The following CCBE1 variants were observed in gnomAD, a reference collection of about 807,000 sequenced individuals.
CCBE1 encodes collagen and calcium binding EGF domains 1.
A neutral mutation model predicts 50.0 loss-of-function variants in CCBE1; 37 were observed. The ratio of observed to expected loss-of-function variants is 0.74; its 90% CI spans 0.57 to 0.97. CCBE1 has a LOEUF of 0.97. Ranked by LOEUF, CCBE1 falls within the 50% of genes least tolerant of loss-of-function variation. The pLI is 0.00. For synonymous variants in CCBE1, 234 were observed against 203.7 expected, an observed-to-expected ratio of 1.15 and a Z score of -1.27; for missense variants, 538 against 523.8, an observed-to-expected ratio of 1.03 and a Z score of -0.26.
chr18:59,677,439 A>G (rs1300357404), intron 2 of CCBE1, among the ~76,000 whole-genome samples: 1 of 152,130 alleles, frequency 6.6e-6, no homozygotes, highest in African/African-American at 2.4e-5. Flanking sequence ...TTTCTTGAAG[A>G]CATCCAAGCA....
At chr18:59,580,637 A>T (rs886555324) in intron 2 of CCBE1, among the ~76,000 whole-genome samples, 1 of 152,208 alleles carries the variant, frequency 6.6e-6, no homozygotes, top group Admixed American at 6.5e-5. Flanking sequence ...GGAGTCCCCA[A>T]AATGTAAAGC....
At chr18:59,600,334 C>T (rs571660041) in intron 2 of CCBE1, among the ~76,000 whole-genome samples, 2 of 151,884 alleles carry the variant, frequency 1.3e-5, no homozygotes, top group East Asian at 1.9e-4. Context: ...CCCATCATTC[C>T]CAAATGGGAC....
intron 2 of CCBE1, among the ~76,000 whole-genome samples, chr18:59,589,790 C>CAAAAAAAAAA (rs752546235): frequency 1.4e-5 from 1 of 73,108 alleles, no homozygotes; most frequent in African/African-American, 5.2e-5. Flanking sequence ...GACTCCATCT[C>CAAAAAAAAAA]AAAAAAAAAA....
At chr18:59,550,030 C>T (rs1232750479) in intron 2 of CCBE1, among the ~76,000 whole-genome samples, 1 of 152,226 alleles carries the variant, frequency 6.6e-6, no homozygotes, top group Non-Finnish European at 1.5e-5. Context: ...GGAATGGGCA[C>T]TTTCAGGAAT....
chr18:59,470,037 G>A (rs1047271469), intron 3 of CCBE1, among the ~76,000 whole-genome samples: 4 of 152,154 alleles, frequency 2.6e-5, no homozygotes, highest in Non-Finnish European at 5.9e-5. Flanking sequence ...TGGGAGGAAG[G>A]GCTGGAAGTC....
chr18:59,442,696 C>A (rs992196599), intron 7 of CCBE1, among the ~76,000 whole-genome samples: 77 of 152,080 alleles, frequency 5.1e-4, no homozygotes, highest in Non-Finnish European at 9.1e-4. Context: ...CCACTGCTTT[C>A]CAGCCTAGGC....
rs77536221 is a variant in CCBE1 at position 59,532,399 on chromosome 18, G to A, written c.213-52161C>T. Among the ~76,000 whole-genome samples, 41 of 152,278 alleles carry A rather than the reference G, an allele frequency of 2.7e-4. 1 individual carries two copies. The highest frequency in any genetic ancestry group is 3.4e-4 in the Non-Finnish European group (23 of 68,024). On this transcript the variant is annotated intron_variant, in intron 2 of 10. Coordinates refer to ENST00000439986, the MANE Select transcript of CCBE1 (RefSeq NM_133459.4). ...GAAGGCAGGACCTGTGTTGATAAAC[G>A]TGGTTTGCCTCGCATTAAACTGACT...
intron 2 of CCBE1, among the ~76,000 whole-genome samples, chr18:59,627,900 T>C (rs1238261484): frequency 6.6e-6 from 1 of 152,194 alleles, no homozygotes; most frequent in Admixed American, 6.5e-5. Context: ...TTGAAAACCA[T>C]ACTCAAAGTG....
At chr18:59,560,147 C>T (rs1201519717) in intron 2 of CCBE1, among the ~76,000 whole-genome samples, 1 of 152,236 alleles carries the variant, frequency 6.6e-6, no homozygotes, top group Non-Finnish European at 1.5e-5. Context: ...GACTATATAG[C>T]AGGCACAAGC....
At chr18:59,611,961 C>G (rs1392771704) in intron 2 of CCBE1, among the ~76,000 whole-genome samples, 3 of 152,062 alleles carry the variant, frequency 2.0e-5, no homozygotes, top group Admixed American at 6.5e-5. Flanking sequence ...AGCTACATAC[C>G]TGGAGTCCAA....
intron 2 of CCBE1, among the ~76,000 whole-genome samples, chr18:59,564,987 G>A (rs1167079765): frequency 6.6e-6 from 1 of 152,202 alleles, no homozygotes; most frequent in Non-Finnish European, 1.5e-5. Flanking sequence ...AATCCAGCGT[G>A]ATCACTGCAA....
At chr18:59,490,954 T>G (rs1913070453) in intron 2 of CCBE1, among the ~76,000 whole-genome samples, 1 of 152,188 alleles carries the variant, frequency 6.6e-6, no homozygotes, top group Non-Finnish European at 1.5e-5. Flanking sequence ...CTGTGACTCT[T>G]ACTCTGGAGG....
intron 2 of CCBE1, among the ~76,000 whole-genome samples, chr18:59,511,224 A>G (rs1161019376): frequency 6.6e-6 from 1 of 152,264 alleles, no homozygotes; most frequent in East Asian, 1.9e-4. Context: ...ATAAAAACAC[A>G]TTCCAACTTC....
intron 1 of CCBE1, among the ~76,000 whole-genome samples, 165 bp from the exon 2 acceptor site, chr18:59,696,874 G>A (rs1489510731): frequency 1.3e-5 from 2 of 152,190 alleles, no homozygotes; most frequent in Non-Finnish European, 1.5e-5. Flanking sequence ...TCCGGCCACA[G>A]GGACGAGCCA....
At chr18:59,548,204 A>G (rs544688462) in intron 2 of CCBE1, among the ~76,000 whole-genome samples, 2 of 152,282 alleles carry the variant, frequency 1.3e-5, no homozygotes, top group East Asian at 3.9e-4. Context: ...TGGGGCCAAG[A>G]CTATGCCCCT....
rs887787342 is a variant in CCBE1 at position 59,469,138 on chromosome 18, T to A, written c.400+335A>T. ...TTTCCCCAACCATCTTCTAAGAGAATGTTTATTCTTGTTTTGTTCTGTCTG... is the reference window on the plus strand; with the variant it reads ...TTTCCCCAACCATCTTCTAAGAGAAAGTTTATTCTTGTTTTGTTCTGTCTG... On this transcript the variant is annotated intron_variant, in intron 4 of 10. Coordinates refer to ENST00000439986, the MANE Select transcript of CCBE1 (RefSeq NM_133459.4). Among the ~76,000 whole-genome samples, 17 of 152,358 alleles carry A rather than the reference T, an allele frequency of 1.1e-4. 1 individual carries two copies. The highest frequency in any genetic ancestry group is 9.1e-4 in the Admixed American group (14 of 15,304).
intron 2 of CCBE1, among the ~76,000 whole-genome samples, chr18:59,651,535 C>T (rs1405820876): frequency 6.6e-6 from 1 of 152,180 alleles, no homozygotes; most frequent in African/African-American, 2.4e-5. Context: ...TATTAGTTTC[C>T]TTCTGAGAAT....
intron 2 of CCBE1, among the ~76,000 whole-genome samples, chr18:59,663,282 A>C (rs1333974414): frequency 1.3e-5 from 2 of 152,196 alleles, no homozygotes; most frequent in Non-Finnish European, 2.9e-5. Context: ...AAAATGCACA[A>C]AGCAGGTAAT....
rs746198632 is a variant in CCBE1, at chr18:59,436,080, G to A, written c.1049C>T (p.Thr350Ile). 1.9e-6 allele frequency: 3 copies of A among 1,614,224 alleles called. No homozygotes were observed. Among genetic ancestry groups the A allele is most frequent in the Middle Eastern group, 1.6e-4 (1 of 6,062 alleles). Residue 350 changes from threonine to isoleucine, a missense_variant, in exon 11 of 11, where the codon ACT becomes ATT. Thr to Ile is a moderately conservative substitution (Grantham distance 89, BLOSUM62 -1). Transcript: ENST00000439986. ...CCCGAACACCTTTTCCTGCAGCTCA[G>A]TGATGTCATTGCGGATGTCAGCCAG... ...LMLADIRNDI[T>I]ELQEKVFGHR...
Sources: gnomAD v4.1 joint callset for allele counts (sites outside exome capture counted in the v4.1 genomes callset) on GRCh38, gnomAD v4.1.1 for gene constraint, MANE v1.5 for transcripts, NCBI Gene and HGNC (gene_info 2026-07-23, HGNC 2026-07-21) for gene names.